Variants in HMGB1 observed in about 807,000 individuals in gnomAD.
The protein encoded by HMGB1 is high mobility group protein B1.
For synonymous variants in HMGB1, 81 were observed against 84.0 expected (o/e 0.96, Z 0.19); for missense variants, 79 against 253.5 (o/e 0.31, Z 4.67).
At chr13:30,533,391 G>A (rs1021943872) in intron 1 of HMGB1, among the ~76,000 whole-genome samples, 1 of 152,140 alleles carries the variant, frequency 6.6e-6, no homozygotes, top group Non-Finnish European at 1.5e-5. Context: ...TTGAGACAGA[G>A]TCTCACTCTG....
chr13:30,560,911 A>G (rs1158314663), intron 1 of HMGB1, among the ~76,000 whole-genome samples: 1 of 152,162 alleles, frequency 6.6e-6, no homozygotes, highest in Non-Finnish European at 1.5e-5. Flanking sequence ...GCTGGAGTTC[A>G]TAAATCAGAA....
chr13:30,569,042 G>A (rs1367466940), intron 1 of HMGB1, among the ~76,000 whole-genome samples: 30 of 152,114 alleles, frequency 2.0e-4, no homozygotes, highest in Non-Finnish European at 1.2e-4. Context: ...GGGCATGGTG[G>A]TGTGCATCTG....
chr13:30,465,193 G>GGCCGCC (rs555201146), intron 1 of HMGB1: 181 of 780,464 alleles, frequency 2.3e-4, no homozygotes, highest in African/African-American at 5.0e-4. Flanking sequence ...CCCGCCGCCC[G>GGCCGCC]GCCGCCGCCG....
intron 1 of HMGB1, among the ~76,000 whole-genome samples, chr13:30,582,465 C>T (rs781214084): frequency 4.0e-5 from 6 of 151,810 alleles, no homozygotes; most frequent in South Asian, 2.1e-4. Flanking sequence ...GGTGAAACCC[C>T]GTCTCCACTA....
intron 1 of HMGB1, chr13:30,553,771 A>G (rs1444046586): frequency 7.2e-7 from 1 of 1,388,796 alleles, no homozygotes; most frequent in Non-Finnish European, 1.0e-6. Context: ...GACTATCTTC[A>G]TAGAGTGGCC....
intron 1 of HMGB1, among the ~76,000 whole-genome samples, chr13:30,610,487 C>T (rs1337996250): frequency 6.6e-6 from 1 of 152,150 alleles, no homozygotes; most frequent in African/African-American, 2.4e-5. Context: ...AACTGCCAGA[C>T]ATTGTTCTAT....
At chr13:30,576,181 A>G (rs1870645306) in intron 1 of HMGB1, among the ~76,000 whole-genome samples, 1 of 152,174 alleles carries the variant, frequency 6.6e-6, no homozygotes, top group South Asian at 2.1e-4. Context: ...TTTATAACAT[A>G]GACCCAATTT....
intron 1 of HMGB1, among the ~76,000 whole-genome samples, chr13:30,570,041 T>C (rs1410378983): frequency 6.6e-6 from 1 of 152,200 alleles, no homozygotes; most frequent in African/African-American, 2.4e-5. Flanking sequence ...ACCCAGTGCA[T>C]TCCCCCTTGA....
chr13:30,490,273 TG>T (rs1314141157), intron 1 of HMGB1, among the ~76,000 whole-genome samples: 3 of 152,208 alleles, frequency 2.0e-5, no homozygotes, highest in Non-Finnish European at 1.5e-5. Context: ...GCCTTATCAC[TG>T]TAGGTCTTGG....
chr13:30,544,300 G>C (rs924508082), intron 1 of HMGB1, among the ~76,000 whole-genome samples: 1 of 152,196 alleles, frequency 6.6e-6, no homozygotes, highest in Non-Finnish European at 1.5e-5. Context: ...CCCTAGGAAC[G>C]GCCAGACCAA....
rs1426005242 is a variant in HMGB1, at chr13:30,492,884, A to C, written c.-14-29190T>G. 2.0e-5 allele frequency among the ~76,000 whole-genome samples: 3 copies of C among 149,834 alleles called. No homozygotes were observed. The South Asian group carries it at 6.4e-4, about 32-fold the overall frequency. ...CGTGGGCCTGTAGTCCCAGCTACTC[A>C]GGAGCCTGAGGCAGGAGAATTGCTT... On this transcript the variant is annotated intron_variant, in intron 1 of 4. Coordinates refer to the HMGB1 transcript ENST00000405805.
At chr13:30,462,014 G>A (rs961083263) in intron 4 of HMGB1, among the ~76,000 whole-genome samples, 19 of 152,076 alleles carry the variant, frequency 1.2e-4, no homozygotes, top group African/African-American at 4.6e-4. Flanking sequence ...AATGACTAAA[G>A]CTGAAAATTA....
chr13:30,462,232 T>G, intron 4 of HMGB1: 1 of 400,228 alleles, frequency 2.5e-6, no homozygotes, highest in Non-Finnish European at 4.7e-6. Context: ...TTGTACTGTA[T>G]GCCAAGCCAT....
Position 30,538,510 on chromosome 13 carries a change from C to CTTTCTTTCTTTCTTT in HMGB1, c.-14-74817_-14-74816insAAAGAAAGAAAGAAA, listed in dbSNP as rs1164550479. On this transcript the variant is annotated intron_variant, in intron 1 of 4. Transcript: ENST00000405805. ...TCTTTCTTTCTTTCTTTCTTTCTTT[C>CTTTCTTTCTTTCTTT]CTTTCTTTCTTTCCTTTCTTTCTTT... 1.2e-4 allele frequency among the ~76,000 whole-genome samples: 10 copies of CTTTCTTTCTTTCTTT among 82,240 alleles called. 1 individual carries two copies. Among genetic ancestry groups the CTTTCTTTCTTTCTTT allele is most frequent in the African/African-American group, 5.2e-4 (6 of 11,650 alleles). 54.0% of individuals were successfully genotyped at this position (82,240 alleles called of 152,430 possible).
At chr13:30,478,130 A>T (rs1175856304) in intron 1 of HMGB1, among the ~76,000 whole-genome samples, 3 of 152,198 alleles carry the variant, frequency 2.0e-5, no homozygotes, top group Non-Finnish European at 4.4e-5. Flanking sequence ...CATTGAACAC[A>T]CTCATGGCAT....
intron 1 of HMGB1, among the ~76,000 whole-genome samples, chr13:30,609,461 G>T (rs1231794965): frequency 6.6e-6 from 1 of 151,966 alleles, no homozygotes; most frequent in Non-Finnish European, 1.5e-5. Flanking sequence ...GAACTGCCTG[G>T]GTCCACTTAT....
chr13:30,509,167 G>C (rs1404423799), intron 1 of HMGB1, among the ~76,000 whole-genome samples: 1 of 151,980 alleles, frequency 6.6e-6, no homozygotes, highest in Non-Finnish European at 1.5e-5. Flanking sequence ...CTAGCTCTTG[G>C]GTTTTAGGCA....
At chr13:30,464,271 C>T in intron 1 of HMGB1, 3 of 985,514 alleles carry the variant, frequency 3.0e-6, no homozygotes, top group South Asian at 9.4e-5. Flanking sequence ...GCGGTGCCAC[C>T]GCGAGGCAGC....
chr13:30,586,951 C>T (rs951293243), intron 1 of HMGB1, among the ~76,000 whole-genome samples: 3 of 152,012 alleles, frequency 2.0e-5, no homozygotes, highest in African/African-American at 7.3e-5. Context: ...GTTTGTTCCC[C>T]CAAGTATTTG....
Sources: allele counts gnomAD v4.1 joint callset (sites outside exome capture counted in the v4.1 genomes callset), GRCh38; gene constraint gnomAD v4.1.1; transcripts MANE v1.5; gene names NCBI Gene and HGNC (gene_info 2026-07-23, HGNC 2026-07-21).